PTPRN2: variants seen among roughly 807,000 people sequenced by gnomAD.
PTPRN2 encodes the protein protein tyrosine phosphatase receptor type N2, also known as receptor-type tyrosine-protein phosphatase N2.
PTPRN2 carries 74 observed loss-of-function variants against 118.8 expected under a neutral mutation model. The ratio of observed to expected loss-of-function variants is 0.62; its 90% CI spans 0.52 to 0.76. The LOEUF (loss-of-function observed/expected upper bound fraction) is 0.76, where lower values mean the gene tolerates loss of function less well. Ranked by LOEUF, PTPRN2 falls within the 30% of genes least tolerant of loss-of-function variation. PTPRN2 has a pLI of 0.00. For missense variants in PTPRN2, 1,481 were observed against 1,394.4 expected (o/e 1.06, Z -0.99); for synonymous variants, 641 against 608.0 (o/e 1.05, Z -0.80).
At chr7:158,485,025 C>A (rs1430407445) in intron 2 of PTPRN2, among the ~76,000 whole-genome samples, 1 of 152,166 alleles carries the variant, frequency 6.6e-6, no homozygotes, top group East Asian at 1.9e-4. Flanking sequence ...TGGCCCCGGC[C>A]GCCAGCGTCC....
intron 2 of PTPRN2, among the ~76,000 whole-genome samples, chr7:158,333,930 C>CT (rs1318980618): frequency 9.5e-6 from 1 of 104,932 alleles, no homozygotes; most frequent in Non-Finnish European, 1.9e-5. Context: ...CACACTCTCA[C>CT]CATAAGAGCT....
chr7:158,408,619 G>T (rs1293700623), intron 2 of PTPRN2, among the ~76,000 whole-genome samples: 1 of 152,174 alleles, frequency 6.6e-6, no homozygotes, highest in African/African-American at 2.4e-5. Flanking sequence ...GATGGGCTCA[G>T]AAAAAGTCCA....
intron 3 of PTPRN2, among the ~76,000 whole-genome samples, chr7:158,242,562 A>T (rs1392255436): frequency 6.6e-6 from 1 of 152,166 alleles, no homozygotes. Context: ...TCTGTTTGGA[A>T]GTGTTTCCTC....
At chr7:158,120,842 G>A (rs1205530460) in intron 9 of PTPRN2, among the ~76,000 whole-genome samples, 1 of 152,176 alleles carries the variant, frequency 6.6e-6, no homozygotes, top group Non-Finnish European at 1.5e-5. Context: ...AGGCAACAGG[G>A]AAGGGAGCCA....
chr7:157,946,897 G>A (rs946762812), intron 11 of PTPRN2, among the ~76,000 whole-genome samples: 5 of 152,348 alleles, frequency 3.3e-5, no homozygotes, highest in Non-Finnish European at 7.3e-5. Flanking sequence ...CCCTCTGAGA[G>A]GCATGTGGGA....
At chr7:158,269,204 C>A (rs999075689) in intron 3 of PTPRN2, among the ~76,000 whole-genome samples, 3 of 152,162 alleles carry the variant, frequency 2.0e-5, no homozygotes, top group Non-Finnish European at 4.4e-5. Flanking sequence ...CCCTGCCCGA[C>A]CCCGCCCCAG....
Position 157,571,168 on chromosome 7 carries a change from C to T in PTPRN2, c.2837+272G>A, listed in dbSNP as rs112755671. On this transcript the variant is annotated intron_variant, in intron 20 of 22. Transcript: ENST00000389418. ...GGAGGTTGCAGTGAGCCTGACGAGA[C>T]CACGCCATTGCACTGCAGCGTGGGC... is the stretch of plus-strand genomic sequence containing the variant. 3.5e-3 allele frequency among the ~76,000 whole-genome samples: 484 copies of T among 139,460 alleles called. 3 individuals are homozygous for T. Among genetic ancestry groups the T allele is most frequent in the African/African-American group, 0.012 (459 of 37,066 alleles). 91.5% of individuals were successfully genotyped at this position (139,460 alleles called of 152,430 possible). A position where few individuals can be genotyped will look rare whatever the true frequency, so the allele number is the denominator to read the frequency against.
intron 19 of PTPRN2, among the ~76,000 whole-genome samples, chr7:157,574,022 G>A (rs929174054): frequency 2.0e-5 from 3 of 152,130 alleles, no homozygotes; most frequent in African/African-American, 2.4e-5. Flanking sequence ...GGAAAACCAC[G>A]ACATATTGAA....
intron 2 of PTPRN2, among the ~76,000 whole-genome samples, chr7:158,338,135 T>TA (rs1447360118): frequency 1.4e-3 from 3 of 2,172 alleles, no homozygotes; most frequent in East Asian, 0.011. Context: ...ACTCTCACCA[T>TA]AGAGCTGACG....
intron 2 of PTPRN2, among the ~76,000 whole-genome samples, chr7:158,362,745 C>G (rs1003638120): frequency 1.3e-5 from 2 of 152,166 alleles, no homozygotes; most frequent in African/African-American, 4.8e-5. Context: ...TCAGGGAACT[C>G]GAGTCCAGAT....
chr7:158,526,647 G>C lies in PTPRN2; in HGVS notation c.113-36862C>G, dbSNP rs926737816. Among the ~76,000 whole-genome samples the C allele has an allele frequency of 1.3e-5, 2 of 152,184 alleles. No homozygotes were observed. Among genetic ancestry groups the C allele is most frequent in the Admixed American group, 6.5e-5 (1 of 15,276 alleles). ...CTGTATTTGGAGATGGGTCTTGAAAGAGGTGATTTCAGTAAAACGAGGTCG... is the reference window on the plus strand; with the variant it reads ...CTGTATTTGGAGATGGGTCTTGAAACAGGTGATTTCAGTAAAACGAGGTCG... On this transcript the variant is annotated intron_variant, in intron 1 of 22. Coordinates refer to ENST00000389418, the MANE Select transcript of PTPRN2 (RefSeq NM_002847.5). This position sits in a 1 kb window ranked among gnomAD's most constrained non-coding sequence, Gnocchi z 5.2.
chr7:157,862,285 T>A (rs925209117), intron 12 of PTPRN2, among the ~76,000 whole-genome samples: 3 of 152,242 alleles, frequency 2.0e-5, no homozygotes, highest in Non-Finnish European at 4.4e-5. Context: ...CTTCAACATA[T>A]CTTTCTGCGG....
At chr7:158,278,690 G>A (rs1365248695) in intron 3 of PTPRN2, among the ~76,000 whole-genome samples, 1 of 152,238 alleles carries the variant, frequency 6.6e-6, no homozygotes, top group East Asian at 1.9e-4. Flanking sequence ...TTTAAAGATG[G>A]TGTGTCCAGA....
rs532374658 is a variant in PTPRN2, at chr7:158,443,701, G to A, written c.163+46034C>T. Among the ~76,000 whole-genome samples, 9 of 152,314 alleles carry A rather than the reference G, an allele frequency of 5.9e-5. No individual in the cohort carries two copies. In the East Asian group the frequency reaches 1.7e-3, roughly 29 times the overall value. ...TGGGCGAGCCACCTCTTCCTACCAG[G>A]GGTGCCCATGAGGTCCTTCCTAAAA... On this transcript the variant is annotated intron_variant, in intron 2 of 22. Transcript: ENST00000389418.
intron 1 of PTPRN2, among the ~76,000 whole-genome samples, chr7:158,515,195 T>A (rs1823454147): frequency 6.6e-6 from 1 of 151,874 alleles, no homozygotes; most frequent in East Asian, 1.9e-4. Context: ...GTATTTTTTT[T>A]TTTTTTTTGA....
intron 2 of PTPRN2, among the ~76,000 whole-genome samples, chr7:158,359,906 C>T (rs1380388989): frequency 1.3e-5 from 2 of 152,092 alleles, no homozygotes; most frequent in African/African-American, 4.8e-5. Flanking sequence ...CAAGACCTAA[C>T]ACTGGAGATG....
chr7:157,972,755 C>T (rs78592585), intron 11 of PTPRN2, among the ~76,000 whole-genome samples: 35 of 136,392 alleles, frequency 2.6e-4, no homozygotes, highest in East Asian at 7.3e-4. Flanking sequence ...CTCCACACCA[C>T]GAGAGCAGGG....
At chr7:158,286,588 GT>G (rs1036333656) in intron 3 of PTPRN2, among the ~76,000 whole-genome samples, 1 of 152,106 alleles carries the variant, frequency 6.6e-6, no homozygotes, top group Non-Finnish European at 1.5e-5. Context: ...TTTGTTGTAT[GT>G]TTTTTATACA....
intron 2 of PTPRN2, among the ~76,000 whole-genome samples, chr7:158,440,462 G>T (rs1816909798): frequency 6.6e-6 from 1 of 151,628 alleles, no homozygotes; most frequent in African/African-American, 2.4e-5. Flanking sequence ...AATGGTAGTA[G>T]CTATGGGTGT....
Sources: gnomAD v4.1 joint callset for allele counts (sites outside exome capture counted in the v4.1 genomes callset) on GRCh38, gnomAD v4.1.1 for gene constraint, Gnocchi (gnomAD v3.1) non-coding constraint, MANE v1.5 for transcripts, NCBI Gene and HGNC (gene_info 2026-07-23, HGNC 2026-07-21) for gene names.